DMD: variants seen among roughly 807,000 people sequenced by gnomAD.
DMD encodes the protein dystrophin.
In DMD, 63 loss-of-function variants were observed where a neutral mutation model predicts 330.1. The ratio of observed to expected loss-of-function variants is 0.19; its 90% confidence interval spans 0.16 to 0.24. The LOEUF (loss-of-function observed/expected upper bound fraction) is 0.24, where lower values mean the gene tolerates loss of function less well. DMD is among the 10% of genes least tolerant of loss of function. The pLI, the probability that DMD is intolerant of heterozygous loss-of-function variation, is 1.00. For synonymous variants in DMD, 1,223 were observed against 959.8 expected, an observed-to-expected ratio of 1.27 and a Z score of -5.07; for missense variants, 3,344 against 2,684.1, an observed-to-expected ratio of 1.25 and a Z score of -5.43.
intron 7 of DMD, among the ~76,000 whole-genome samples, chrX:32,783,165 TG>T (rs1202989104): frequency 2.0e-5 from 2 of 100,865 alleles, no homozygotes; most frequent in Admixed American, 1.1e-4. Flanking sequence ...TATAGATATA[TG>T]GCATATACAC....
intron 44 of DMD, among the ~76,000 whole-genome samples, chrX:31,983,287 A>G (rs1286103167): frequency 9.9e-6 from 1 of 101,154 alleles, no homozygotes; most frequent in African/African-American, 3.4e-5. Flanking sequence ...TTCTTTTTCC[A>G]TATATACTTA....
intron 34 of DMD, among the ~76,000 whole-genome samples, chrX:32,376,245 A>C (rs2097902483): frequency 8.9e-6 from 1 of 111,856 alleles, no homozygotes; most frequent in Non-Finnish European, 1.9e-5. Flanking sequence ...ATTGCACTCC[A>C]GGATCGGTGA....
intron 63 of DMD, among the ~76,000 whole-genome samples, chrX:31,230,880 T>C (rs779672453): frequency 1.8e-5 from 2 of 112,191 alleles, no homozygotes; most frequent in South Asian, 7.4e-4. Flanking sequence ...AGCAACACTG[T>C]AATAATGGCA....
At chrX:33,285,447 C>T (rs1309493249) in intron 1 of DMD, among the ~76,000 whole-genome samples, 1 of 111,684 alleles carries the variant, frequency 9.0e-6, no homozygotes, top group Non-Finnish European at 1.9e-5. Flanking sequence ...GCATTAAAAA[C>T]ATTTTTGTTT....
chrX:32,136,446 T>G (rs1038186130), intron 44 of DMD, among the ~76,000 whole-genome samples: 104 of 112,648 alleles, frequency 9.2e-4, no homozygotes, highest in African/African-American at 3.2e-3. Context: ...AAGGCATATG[T>G]TCCTTTATGA....
At chrX:31,715,524 C>T (rs1242841652) in intron 52 of DMD, among the ~76,000 whole-genome samples, 1 of 74,827 alleles carries the variant, frequency 1.3e-5, no homozygotes, top group Non-Finnish European at 2.4e-5. Context: ...GCCTGGGCGA[C>T]AGAGCGAAAC....
intron 44 of DMD, among the ~76,000 whole-genome samples, chrX:31,968,804 G>T (rs2095373378): frequency 9.0e-6 from 1 of 111,583 alleles, no homozygotes; most frequent in South Asian, 3.7e-4. Flanking sequence ...CAATTAGTTG[G>T]AAACCTTTTC....
chrX:32,468,717 A>T lies in DMD; in HGVS notation c.2950-7T>A. ...GCAGAGAACTTTGTAAAGCCTAAAA[A>T]ACAATTTTTTAAATACATTTACCCT... On this transcript the variant is annotated splice_polypyrimidine_tract_variant and splice_region_variant and intron_variant, in intron 22 of 78. Coordinates refer to ENST00000357033, the MANE Select transcript of DMD (RefSeq NM_004006.3). The T allele has an allele frequency of 8.4e-7, 1 of 1,194,959 alleles. No homozygotes were observed. The highest frequency in any genetic ancestry group is 1.1e-6 in the Non-Finnish European group (1 of 881,268).
At chrX:32,350,188 A>T (rs1330100499) in intron 37 of DMD, among the ~76,000 whole-genome samples, 1 of 111,160 alleles carries the variant, frequency 9.0e-6, no homozygotes, top group East Asian at 2.8e-4. Context: ...TTTTATTCCA[A>T]CTGCTTCTTC....
chrX:32,506,580 T>C (rs2044651186), intron 18 of DMD, among the ~76,000 whole-genome samples: 1 of 111,738 alleles, frequency 8.9e-6, no homozygotes, highest in Non-Finnish European at 1.9e-5. Flanking sequence ...ACCTATCTCT[T>C]AGCTGAAAGA....
rs143217572 is a variant in DMD, at chrX:32,873,421, T to G, written c.94-23601A>C. Among the ~76,000 whole-genome samples, 386 of 110,627 alleles carry G rather than the reference T, an allele frequency of 3.5e-3. 2 individuals are homozygous for G. The highest frequency in any genetic ancestry group is 0.011 in the African/African-American group (347 of 30,472). The stretch of plus-strand genomic sequence containing the variant: ...GACTTTAGTATATATTAGAACCACC[T>G]GGATGAGCCCGTTATGACATGCATT... On this transcript the variant is annotated intron_variant, in intron 2 of 78. Coordinates refer to ENST00000357033, the MANE Select transcript of DMD (RefSeq NM_004006.3).
At chrX:32,366,187 T>C (rs1468687963) in intron 34 of DMD, among the ~76,000 whole-genome samples, 1 of 111,474 alleles carries the variant, frequency 9.0e-6, no homozygotes, top group Admixed American at 9.5e-5. Context: ...AGTACAAAGG[T>C]TTACTACCTG....
At chrX:31,138,649 G>C (rs2035581296) in intron 76 of DMD, among the ~76,000 whole-genome samples, 2 of 78,532 alleles carry the variant, frequency 2.5e-5, no homozygotes, top group Non-Finnish European at 4.9e-5. Flanking sequence ...GAGAGAGAGA[G>C]AGAGAGAGAG....
intron 61 of DMD, chrX:31,348,244 G>T (rs1041718639): frequency 6.7e-6 from 2 of 297,892 alleles, no homozygotes; most frequent in Non-Finnish European, 1.2e-5. Context: ...GAGAATACTA[G>T]CATGGCTCCT....
intron 44 of DMD, among the ~76,000 whole-genome samples, chrX:32,214,183 G>T (rs1297804831): frequency 1.9e-5 from 2 of 105,728 alleles, no homozygotes; most frequent in Non-Finnish European, 3.9e-5. Context: ...TGGAGTAAAG[G>T]AGGCTGAACT....
At chrX:32,733,046 C>T (rs752271817) in intron 7 of DMD, among the ~76,000 whole-genome samples, 4 of 108,467 alleles carry the variant, frequency 3.7e-5, no homozygotes, top group African/African-American at 1.0e-4. Flanking sequence ...CACATAGGCT[C>T]AAAATAAAAG....
chrX:32,586,324 A>C (rs1010989325), intron 13 of DMD, among the ~76,000 whole-genome samples: 1 of 109,098 alleles, frequency 9.2e-6, no homozygotes, highest in Admixed American at 9.8e-5. Context: ...GTTAATATAT[A>C]TATACTGCTT....
intron 55 of DMD, among the ~76,000 whole-genome samples, chrX:31,612,702 T>C (rs1774948297): frequency 8.9e-6 from 1 of 111,819 alleles, no homozygotes. Flanking sequence ...CCGATATTAT[T>C]AAAATACCTT....
At chrX:32,121,661 A>ATATATG (rs1415216267) in intron 44 of DMD, among the ~76,000 whole-genome samples, 31 of 81,310 alleles carry the variant, frequency 3.8e-4, no homozygotes, top group Non-Finnish European at 5.5e-4. Context: ...ATATATATAT[A>ATATATG]TATGTATTCG....
Sources: allele counts gnomAD v4.1 joint callset (sites outside exome capture counted in the v4.1 genomes callset), GRCh38; gene constraint gnomAD v4.1.1; transcripts MANE v1.5; gene names NCBI Gene and HGNC (gene_info 2026-07-23, HGNC 2026-07-21).